Variants in RAB6B observed in about 807,000 individuals in gnomAD.
RAB6B encodes ras-related protein Rab-6B.
Under a neutral mutation model 31.2 loss-of-function variants are expected in RAB6B, and 7 were observed. The ratio of observed to expected loss-of-function variants is 0.22; its 90% CI spans 0.13 to 0.42. The LOEUF (loss-of-function observed/expected upper bound fraction) is 0.42. Among genes scored for constraint, RAB6B ranks in the 10% least tolerant of loss-of-function variants. The pLI is 1.00. For missense variants in RAB6B, 149 were observed against 280.6 expected, an observed-to-expected ratio of 0.53 and a Z score of 3.35; for synonymous variants, 105 against 104.9, an observed-to-expected ratio of 1.00 and a Z score of -0.01.
At chr3:133,893,276 T>C (rs1936661585) in intron 1 of RAB6B, among the ~76,000 whole-genome samples, 2 of 152,052 alleles carry the variant, frequency 1.3e-5, no homozygotes, top group South Asian at 4.2e-4. Flanking sequence ...TAGTGAAAAA[T>C]ATTGGACTGG....
intron 1 of RAB6B, among the ~76,000 whole-genome samples, chr3:133,866,427 T>C (rs999610939): frequency 6.6e-6 from 1 of 152,080 alleles, no homozygotes; most frequent in African/African-American, 2.4e-5. Flanking sequence ...TCTGCCCTTG[T>C]TGGAGAACGC....
intron 7 of RAB6B, among the ~76,000 whole-genome samples, chr3:133,829,169 C>T (rs1935619143): frequency 6.6e-6 from 1 of 152,196 alleles, no homozygotes; most frequent in Non-Finnish European, 1.5e-5. Context: ...AATGCCAGCT[C>T]CCAGCCCTGG....
intron 2 of RAB6B, among the ~76,000 whole-genome samples, chr3:133,862,006 C>T (rs889551014): frequency 6.6e-6 from 1 of 152,154 alleles, no homozygotes; most frequent in Non-Finnish European, 1.5e-5. Context: ...AACATTTCCC[C>T]TTCTCCATCT....
At chr3:133,890,816 C>T (rs538131625) in intron 1 of RAB6B, among the ~76,000 whole-genome samples, 6 of 152,308 alleles carry the variant, frequency 3.9e-5, no homozygotes, top group Admixed American at 3.3e-4. Flanking sequence ...AATTCAATTA[C>T]GGTTTTTGTA....
chr3:133,848,420 C>T (rs962805282), intron 2 of RAB6B, among the ~76,000 whole-genome samples: 2 of 152,238 alleles, frequency 1.3e-5, no homozygotes, highest in African/African-American at 4.8e-5. Context: ...ATCCCTCATG[C>T]TTTCCACTGT....
intron 1 of RAB6B, among the ~76,000 whole-genome samples, chr3:133,867,306 T>C (rs766074650): frequency 1.3e-5 from 2 of 152,186 alleles, no homozygotes; most frequent in Non-Finnish European, 2.9e-5. Flanking sequence ...TTACAGAGCA[T>C]GTTCCAGGCA....
chr3:133,832,967 C>T (rs1482549536), intron 7 of RAB6B, among the ~76,000 whole-genome samples: 4 of 152,196 alleles, frequency 2.6e-5, no homozygotes, highest in East Asian at 1.9e-4. Flanking sequence ...CTCAACAGCG[C>T]GACTCTGGGA....
rs1398698546 is a variant in RAB6B at position 133,828,757 on chromosome 3, G to A, written c.*31C>T. The A allele has an allele frequency of 1.9e-6, 3 of 1,572,456 alleles. No homozygotes were observed. Among genetic ancestry groups the A allele is most frequent in the African/African-American group, 1.4e-5 (1 of 73,988 alleles). ...TAGGAAGCAACACAACAAGCAAGGAGTGTCATGGGAAGCCACAGGTCGGCT... is the reference window on the plus strand; with the variant it reads ...TAGGAAGCAACACAACAAGCAAGGAATGTCATGGGAAGCCACAGGTCGGCT... On this transcript the variant is annotated 3_prime_UTR_variant, in exon 8 of 8. Transcript: ENST00000285208.
At chr3:133,829,226 G>A (rs1323965602) in intron 7 of RAB6B, among the ~76,000 whole-genome samples, 1 of 152,206 alleles carries the variant, frequency 6.6e-6, no homozygotes, top group Admixed American at 6.5e-5. Flanking sequence ...CAATGGAGAT[G>A]AAGAGCCTGC....
At chr3:133,845,868 T>C (rs1935902465) in intron 2 of RAB6B, among the ~76,000 whole-genome samples, 1 of 146,740 alleles carries the variant, frequency 6.8e-6, no homozygotes, top group East Asian at 2.0e-4. Context: ...TATAAATAGG[T>C]AAAAAAAAAA....
chr3:133,889,835 T>C (rs1219915225), intron 1 of RAB6B, among the ~76,000 whole-genome samples: 3 of 152,334 alleles, frequency 2.0e-5, no homozygotes, highest in Non-Finnish European at 4.4e-5. Flanking sequence ...TAATTATTAT[T>C]ACATCTACGC....
intron 2 of RAB6B, among the ~76,000 whole-genome samples, chr3:133,856,682 AG>A (rs1936082699): frequency 6.6e-6 from 1 of 152,204 alleles, no homozygotes; most frequent in South Asian, 2.1e-4. Context: ...TCTCTGCTCC[AG>A]GCTTTAGTAA....
At chr3:133,863,450 C>T (rs1357105388) in intron 2 of RAB6B, among the ~76,000 whole-genome samples, 1 of 152,162 alleles carries the variant, frequency 6.6e-6, no homozygotes, top group Non-Finnish European at 1.5e-5. Context: ...GGAGGAGGGA[C>T]GTCTTAGAAC....
rs1424919578 is a variant in RAB6B, at chr3:133,895,389, G to C, written c.70+8C>G. On this transcript the variant is annotated splice_region_variant and intron_variant, in intron 1 of 7. Coordinates refer to ENST00000285208, the MANE Select transcript of RAB6B (RefSeq NM_016577.4). ...GCGACAAGCCAAGAGATTAAGCCGG[G>C]TACTTACCGCTCTGCTCCCCCAAGA... 6.2e-7 allele frequency: 1 copy of C among 1,610,706 alleles called. No homozygotes were observed. The highest frequency in any genetic ancestry group is 2.2e-5 in the East Asian group (1 of 44,658).
rs1241075870 is a variant in RAB6B, at chr3:133,895,330, T to G, written c.70+67A>C. On this transcript the variant is annotated intron_variant, in intron 1 of 7. Coordinates refer to ENST00000285208, the MANE Select transcript of RAB6B (RefSeq NM_016577.4). ...TCCGAGCCTGGGCCGGGGGTCCCAA[T>G]GGGGTGGGCGATTGGGCGGCGGGGG... 5.3e-6 allele frequency: 8 copies of G among 1,521,134 alleles called. No individual in the cohort carries two copies. In the East Asian group the frequency reaches 1.4e-4, roughly 26 times the overall value. 94.2% of individuals were successfully genotyped at this position (1,521,134 alleles called of 1,614,324 possible).
intron 7 of RAB6B, among the ~76,000 whole-genome samples, chr3:133,833,353 C>G (rs574515322): frequency 6.6e-6 from 1 of 152,314 alleles, no homozygotes; most frequent in East Asian, 1.9e-4. Flanking sequence ...ACCCCCTCCT[C>G]TCGGCCACTG....
intron 1 of RAB6B, chr3:133,885,488 G>T (rs557965060): frequency 8.5e-6 from 6 of 702,014 alleles, no homozygotes; most frequent in Non-Finnish European, 1.6e-5. Context: ...ACCAGAGGAT[G>T]GGGGACTCAC....
intron 2 of RAB6B, among the ~76,000 whole-genome samples, chr3:133,853,605 G>GT (rs1936032528): frequency 6.6e-6 from 1 of 152,032 alleles, no homozygotes; most frequent in Admixed American, 6.5e-5. Context: ...CTTGGATGGG[G>GT]TAATATGCCA....
chr3:133,843,069 G>A (rs1032229718), intron 2 of RAB6B, among the ~76,000 whole-genome samples: 2 of 152,292 alleles, frequency 1.3e-5, no homozygotes, highest in Non-Finnish European at 1.5e-5. Context: ...CTCCCAACTC[G>A]TTCCACAAAG....
Sources: allele counts gnomAD v4.1 joint callset (sites outside exome capture counted in the v4.1 genomes callset), GRCh38; gene constraint gnomAD v4.1.1; transcripts MANE v1.5; gene names NCBI Gene and HGNC (gene_info 2026-07-23, HGNC 2026-07-21).